The following VOPP1 variants were observed in gnomAD, a reference collection of about 807,000 sequenced individuals.
The protein encoded by VOPP1 is WW domain binding protein VOPP1.
A neutral mutation model predicts 23.5 loss-of-function variants in VOPP1; 8 were observed. The observed-to-expected ratio is 0.34, with a 90% CI of 0.20 to 0.61. The LOEUF (loss-of-function observed/expected upper bound fraction) is 0.61. VOPP1 is among the 20% of genes least tolerant of loss of function. The probability of loss-of-function intolerance (pLI) is 0.78; values close to 1 mark genes in which losing one functional copy is unlikely to be tolerated. For missense variants in VOPP1, 174 were observed against 238.1 expected, an observed-to-expected ratio of 0.73 and a Z score of 1.77; for synonymous variants, 83 against 97.3, an observed-to-expected ratio of 0.85 and a Z score of 0.86.
At chr7:55,553,911 A>C (rs968842765) in intron 1 of VOPP1, 4 of 152,334 alleles carry the variant, frequency 2.6e-5, no homozygotes, top group African/African-American at 9.7e-5. Context: ...ACAGGCTTGC[A>C]CTGCACAACT....
At chr7:55,495,344 C>T (rs1280078904) in intron 3 of VOPP1, among the ~76,000 whole-genome samples, 1 of 152,206 alleles carries the variant, frequency 6.6e-6, no homozygotes, top group Non-Finnish European at 1.5e-5. Context: ...CTTTCAAAAC[C>T]TTTGTTTTAT....
At chr7:55,493,412 G>T (rs564470946) in intron 3 of VOPP1, among the ~76,000 whole-genome samples, 2 of 152,336 alleles carry the variant, frequency 1.3e-5, no homozygotes, top group South Asian at 4.1e-4. Context: ...CAGTGGCACT[G>T]GTCCACATAT....
At chr7:55,540,904 A>G (rs949555650) in intron 1 of VOPP1, among the ~76,000 whole-genome samples, 37 of 152,226 alleles carry the variant, frequency 2.4e-4, no homozygotes, top group Non-Finnish European at 4.7e-4. Flanking sequence ...AAATACAAGG[A>G]AAAAAACAAC....
chr7:55,516,059 C>T, intron 2 of VOPP1: 2 of 983,166 alleles, frequency 2.0e-6, no homozygotes, highest in Non-Finnish European at 2.4e-6. Context: ...AGAATGCAAG[C>T]CAAGGGGCGG....
At chr7:55,454,535 A>G (rs956995720) in intron 4 of VOPP1, among the ~76,000 whole-genome samples, 2 of 152,244 alleles carry the variant, frequency 1.3e-5, no homozygotes, top group African/African-American at 4.8e-5. Context: ...ATGAACATCA[A>G]TGCAAAAATT....
chr7:55,478,531 AT>A (rs1407736734), intron 4 of VOPP1, among the ~76,000 whole-genome samples: 1 of 152,232 alleles, frequency 6.6e-6, no homozygotes, highest in Non-Finnish European at 1.5e-5. Context: ...CTTAAATGGT[AT>A]TCTCTCCCAA....
intron 4 of VOPP1, among the ~76,000 whole-genome samples, chr7:55,445,274 CACAG>C (rs60711282): frequency 0.33 from 48,224 of 145,978 alleles, 7,974 homozygotes; most frequent in Non-Finnish European, 0.37. Flanking sequence ...GACATACACA[CACAG>C]ACACACACAC....
At chr7:55,507,382 TG>T (rs1037171659) in intron 2 of VOPP1, among the ~76,000 whole-genome samples, 1 of 151,870 alleles carries the variant, frequency 6.6e-6, no homozygotes, top group African/African-American at 2.4e-5. Flanking sequence ...AGCTGGTGGG[TG>T]GGGGGTGTTG....
At chr7:55,492,449 T>C in intron 3 of VOPP1, 31 bp from the exon 4 acceptor site, 1 of 1,583,338 alleles carries the variant, frequency 6.3e-7, no homozygotes, top group Admixed American at 1.7e-5. Context: ...AGGGTGGTGC[T>C]CCCAGGTGGG....
At chr7:55,516,281 C>T (rs578112178) in intron 2 of VOPP1, among the ~76,000 whole-genome samples, 1 of 152,162 alleles carries the variant, frequency 6.6e-6, no homozygotes, top group Non-Finnish European at 1.5e-5. Flanking sequence ...CTTTTCTGTT[C>T]AGATCCCAAA....
rs1584125649 is a variant in VOPP1 at position 55,561,866 on chromosome 7, T to G, written c.54+10405A>C. 8.8e-6 allele frequency: 6 copies of G among 680,668 alleles called. No individual in the cohort carries two copies. The East Asian group carries it at 1.1e-4, about 12-fold the overall frequency. 42.2% of individuals were successfully genotyped at this position (680,668 alleles called of 1,614,324 possible). A position where few individuals can be genotyped will look rare whatever the true frequency, so the allele number is the denominator to read the frequency against. On this transcript the variant is annotated intron_variant, in intron 1 of 4. Coordinates refer to ENST00000285279, the MANE Select transcript of VOPP1 (RefSeq NM_030796.5). ...ACTTAACTCATACCCAAGTGGACAA[T>G]GAGAGTAGCCTTCCATGACACCACC...
chr7:55,461,690 A>C (rs1321746618), intron 4 of VOPP1, among the ~76,000 whole-genome samples: 1 of 152,236 alleles, frequency 6.6e-6, no homozygotes, highest in African/African-American at 2.4e-5. Context: ...TGCTGGGATT[A>C]CAGACGTGAG....
intron 1 of VOPP1, chr7:55,552,529 C>T: frequency 6.8e-7 from 1 of 1,471,852 alleles, no homozygotes. Flanking sequence ...TACACATGCC[C>T]AGCAACACAA....
chr7:55,556,709 G>C, intron 1 of VOPP1, among the ~76,000 whole-genome samples: 1 of 150,820 alleles, frequency 6.6e-6, no homozygotes, highest in Admixed American at 6.6e-5. Context: ...TACAATTTAT[G>C]TTTCTCAGAT....
At chr7:55,442,464 A>G (rs535693026) in intron 4 of VOPP1, among the ~76,000 whole-genome samples, 30 of 152,322 alleles carry the variant, frequency 2.0e-4, no homozygotes, top group African/African-American at 6.3e-4. Context: ...CGTGTCTTAT[A>G]GCCTGTTCAA....
At chr7:55,453,715 T>C (rs1043726383) in intron 4 of VOPP1, among the ~76,000 whole-genome samples, 3 of 152,214 alleles carry the variant, frequency 2.0e-5, no homozygotes, top group East Asian at 3.8e-4. Context: ...TGAAATATTA[T>C]GTGAATTACC....
intron 2 of VOPP1, among the ~76,000 whole-genome samples, chr7:55,507,175 CTG>C (rs1314849853): frequency 6.6e-6 from 1 of 152,184 alleles, no homozygotes; most frequent in Non-Finnish European, 1.5e-5. Flanking sequence ...GTGAGGAGTG[CTG>C]TGGAAAGTAG....
chr7:55,484,286 C>G (rs1286523718), intron 4 of VOPP1, among the ~76,000 whole-genome samples: 1 of 152,216 alleles, frequency 6.6e-6, no homozygotes, highest in African/African-American at 2.4e-5. Context: ...TAGAGACATC[C>G]CAGGAACTGT....
chr7:55,479,707 T>C (rs191376690), intron 4 of VOPP1, among the ~76,000 whole-genome samples: 109 of 152,376 alleles, frequency 7.2e-4, no homozygotes, highest in African/African-American at 2.5e-3. Context: ...TCACCAAATG[T>C]GATGTTAGCA....
Sources: allele counts gnomAD v4.1 joint callset (sites outside exome capture counted in the v4.1 genomes callset), GRCh38; gene constraint gnomAD v4.1.1; transcripts MANE v1.5; gene names NCBI Gene and HGNC (gene_info 2026-07-23, HGNC 2026-07-21).